CSMD1: variants seen among roughly 807,000 people sequenced by gnomAD.
The protein encoded by CSMD1 is CUB and Sushi multiple domains 1, also known as CUB and sushi domain-containing protein 1.
In CSMD1, 213 loss-of-function variants were observed where a neutral mutation model predicts 417.5. The ratio of observed to expected loss-of-function variants is 0.51; its 90% CI spans 0.46 to 0.57. CSMD1 has a LOEUF of 0.57. Among genes scored for constraint, CSMD1 ranks in the 20% least tolerant of loss-of-function variants. The pLI is 0.00. For synonymous variants in CSMD1, 2,862 were observed against 1,736.8 expected (o/e 1.65, Z -16.11); for missense variants, 6,923 against 4,529.7 (o/e 1.53, Z -15.17).
At chr8:4,062,851 C>G (rs1489453123) in intron 3 of CSMD1, among the ~76,000 whole-genome samples, 1 of 150,478 alleles carries the variant, frequency 6.6e-6, no homozygotes, top group Non-Finnish European at 1.5e-5. Flanking sequence ...CCCTACCAGC[C>G]AAGAGAAATG....
chr8:4,644,410 T>C (rs1307733985), intron 1 of CSMD1, among the ~76,000 whole-genome samples: 2 of 79,104 alleles, frequency 2.5e-5, no homozygotes, highest in East Asian at 4.9e-4. Flanking sequence ...TGCTACCCTT[T>C]GCCCTATTTT....
intron 5 of CSMD1, among the ~76,000 whole-genome samples, chr8:3,804,802 A>G (rs907076508): frequency 1.3e-5 from 2 of 152,356 alleles, no homozygotes; most frequent in Middle Eastern, 3.4e-3. Context: ...TAATCTAATT[A>G]TTCATATCTA....
chr8:4,472,455 A>C (rs1029285384), intron 2 of CSMD1, among the ~76,000 whole-genome samples: 4 of 152,128 alleles, frequency 2.6e-5, no homozygotes, highest in African/African-American at 9.7e-5. Flanking sequence ...ATTTAAGGTA[A>C]TAACAGATGA....
intron 3 of CSMD1, among the ~76,000 whole-genome samples, chr8:4,411,601 G>A (rs558225779): frequency 6.6e-6 from 1 of 152,016 alleles, no homozygotes; most frequent in Admixed American, 6.6e-5. Flanking sequence ...GTTATACGGA[G>A]AAAAATACAG....
intron 12 of CSMD1, among the ~76,000 whole-genome samples, chr8:3,449,737 C>G (rs537748626): frequency 6.6e-6 from 1 of 152,260 alleles, no homozygotes; most frequent in African/African-American, 2.4e-5. Context: ...AGGCCTGTCT[C>G]AAACTCTTGA....
intron 48 of CSMD1, among the ~76,000 whole-genome samples, chr8:3,091,245 T>C (rs961540035): frequency 2.6e-5 from 4 of 152,074 alleles, no homozygotes; most frequent in African/African-American, 9.7e-5. Flanking sequence ...TATATTAGTT[T>C]ATCTTTTGGA....
Position 3,820,852 on chromosome 8 carries a change from G to A in CSMD1, c.819-66810C>T, listed in dbSNP as rs529581565. On this transcript the variant is annotated intron_variant, in intron 5 of 69. Coordinates refer to ENST00000635120, the MANE Select transcript of CSMD1 (RefSeq NM_033225.6). ...GCTGACCTCGACCTCCCAAAGTGCT[G>A]GGATTATAGGTCACAATGCCTTCTT... 2.6e-5 allele frequency among the ~76,000 whole-genome samples: 4 copies of A among 152,242 alleles called. No homozygotes were observed. In the South Asian group the frequency reaches 6.2e-4, roughly 24 times the overall value.
At chr8:4,183,244 A>C (rs902044877) in intron 3 of CSMD1, among the ~76,000 whole-genome samples, 4 of 152,196 alleles carry the variant, frequency 2.6e-5, no homozygotes, top group African/African-American at 9.6e-5. Context: ...TCTCTAAGAA[A>C]ATTTGCAGTA....
rs374180480 is a variant in CSMD1 at position 3,300,958 on chromosome 8, C to CAAAA, written c.3950+6733_3950+6736dup. 1.5e-3 allele frequency among the ~76,000 whole-genome samples: 76 copies of CAAAA among 50,142 alleles called. 1 individual carries two copies. Among genetic ancestry groups the CAAAA allele is most frequent in the East Asian group, 4.0e-3 (5 of 1,246 alleles). 32.9% of individuals were successfully genotyped at this position (50,142 alleles called of 152,430 possible). On this transcript the variant is annotated intron_variant, in intron 25 of 69. Coordinates refer to ENST00000635120, the MANE Select transcript of CSMD1 (RefSeq NM_033225.6). ...TGGACAACAGAGTGAGACTCTGTCTCAAAAAAAAAAAAAAAAAAAAAAAGA... is the reference window on the plus strand; with the variant it reads ...TGGACAACAGAGTGAGACTCTGTCTCAAAAAAAAAAAAAAAAAAAAAAAAAAAGA...
intron 3 of CSMD1, among the ~76,000 whole-genome samples, chr8:4,376,371 G>T (rs1450190981): frequency 6.6e-6 from 1 of 152,154 alleles, no homozygotes; most frequent in Admixed American, 6.5e-5. Context: ...AATACTTACT[G>T]TGAGTAACCA....
chr8:3,217,951 G>C (rs1221340033), intron 29 of CSMD1, among the ~76,000 whole-genome samples: 1 of 151,866 alleles, frequency 6.6e-6, no homozygotes, highest in African/African-American at 2.4e-5. Context: ...TTGATATTTT[G>C]TTAAGTCCTC....
chr8:3,089,021 C>A (rs1210309717), intron 48 of CSMD1, among the ~76,000 whole-genome samples: 2 of 152,114 alleles, frequency 1.3e-5, no homozygotes, highest in African/African-American at 4.8e-5. Context: ...TCTCACCAGC[C>A]CCTCAACATA....
At chr8:4,558,120 C>T (rs912688584) in intron 2 of CSMD1, among the ~76,000 whole-genome samples, 3 of 150,898 alleles carry the variant, frequency 2.0e-5, no homozygotes, top group Non-Finnish European at 4.4e-5. Context: ...CCAAGGCACC[C>T]AGGACCTTAA....
intron 12 of CSMD1, among the ~76,000 whole-genome samples, chr8:3,414,436 A>G (rs1813003176): frequency 6.6e-6 from 1 of 152,046 alleles, no homozygotes; most frequent in Non-Finnish European, 1.5e-5. Context: ...ATTCCCAAAC[A>G]TGCCATGTTG....
intron 6 of CSMD1, among the ~76,000 whole-genome samples, chr8:3,748,637 T>G (rs1189971397): frequency 2.0e-5 from 3 of 152,252 alleles, no homozygotes; most frequent in African/African-American, 7.2e-5. Flanking sequence ...CTCTGGAAAC[T>G]GCATTTCAAA....
intron 2 of CSMD1, among the ~76,000 whole-genome samples, chr8:4,565,657 C>A (rs1222362054): frequency 2.0e-5 from 3 of 150,728 alleles, no homozygotes; most frequent in African/African-American, 7.3e-5. Flanking sequence ...ACCGTTTGAA[C>A]CAAGGAGGCA....
At chr8:4,924,314 G>T (rs995013574) in intron 1 of CSMD1, among the ~76,000 whole-genome samples, 1 of 152,110 alleles carries the variant, frequency 6.6e-6, no homozygotes. Flanking sequence ...TCCTAATTAT[G>T]TTCATGTAAA....
chr8:4,294,284 C>A (rs750431260), intron 3 of CSMD1, among the ~76,000 whole-genome samples: 1 of 152,122 alleles, frequency 6.6e-6, no homozygotes, highest in Non-Finnish European at 1.5e-5. Flanking sequence ...TGAATAAAGG[C>A]TTCGGTGCTT....
rs551944719 is a variant in CSMD1, at chr8:4,732,516, C to T, written c.86-94958G>A. ...ATCGATTACTTTTCGAGTAACTTTG[C>T]CAAATTCCAGTCTTGCAATGCAATT... On this transcript the variant is annotated intron_variant, in intron 1 of 69. Coordinates refer to ENST00000635120, the MANE Select transcript of CSMD1 (RefSeq NM_033225.6). 2.2e-3 allele frequency among the ~76,000 whole-genome samples: 331 copies of T among 152,168 alleles called. 3 individuals are homozygous for T. Among genetic ancestry groups the T allele is most frequent in the South Asian group, 3.9e-3 (19 of 4,828 alleles).
Sources: allele counts gnomAD v4.1 joint callset (sites outside exome capture counted in the v4.1 genomes callset), GRCh38; gene constraint gnomAD v4.1.1; transcripts MANE v1.5; gene names NCBI Gene and HGNC (gene_info 2026-07-23, HGNC 2026-07-21).